The following BPNT2 variants were observed in gnomAD, a reference collection of about 807,000 sequenced individuals.
BPNT2 encodes the protein 3'(2'), 5'-bisphosphate nucleotidase 2.
A neutral mutation model predicts 29.3 loss-of-function variants in BPNT2; 11 were observed. That is an observed-to-expected ratio of 0.38 (90% confidence interval 0.24 to 0.62). The LOEUF is 0.62. Ranked by LOEUF, BPNT2 falls within the 20% of genes least tolerant of loss-of-function variation. The pLI is 0.62. For missense variants in BPNT2, 459 were observed against 473.4 expected (o/e 0.97, Z 0.28); for synonymous variants, 195 against 187.7 (o/e 1.04, Z -0.32).
rs1011100094 is a variant in BPNT2, at chr8:56,962,897, G to C, written c.*896C>G. The stretch of plus-strand genomic sequence containing the variant: ...TGTCAAGTAACTTTCAATTGTAATA[G>C]AATCATTTATATTCTTATAGTGCCT... On this transcript the variant is annotated 3_prime_UTR_variant, in exon 5 of 5. Coordinates refer to ENST00000262644, the MANE Select transcript of BPNT2 (RefSeq NM_017813.5). The C allele has an allele frequency of 4.6e-5, 7 of 152,114 alleles. No individual in the cohort carries two copies. Among genetic ancestry groups the C allele is most frequent in the African/African-American group, 1.7e-4 (7 of 41,410 alleles). The allele number at this position is 152,114 out of a possible 1,614,324, so 9.4% of individuals were successfully genotyped here.
chr8:56,976,752 A>T (rs1488793459), intron 3 of BPNT2, among the ~76,000 whole-genome samples: 1 of 152,200 alleles, frequency 6.6e-6, no homozygotes, highest in African/African-American at 2.4e-5. Flanking sequence ...CACTTCACAG[A>T]CAGCCTTTTT....
At chr8:56,982,993 T>C (rs996415468) in intron 1 of BPNT2, among the ~76,000 whole-genome samples, 1 of 152,220 alleles carries the variant, frequency 6.6e-6, no homozygotes, top group Non-Finnish European at 1.5e-5. Context: ...AGAGATCATA[T>C]ACTGTTTGAT....
At chr8:56,976,700 T>G (rs1806145638) in intron 3 of BPNT2, among the ~76,000 whole-genome samples, 2 of 152,112 alleles carry the variant, frequency 1.3e-5, no homozygotes, top group Admixed American at 1.3e-4. Flanking sequence ...AATACATAAT[T>G]TTAGAGTAAT....
Position 56,958,983 on chromosome 8 carries a change from A to G in BPNT2, c.*4810T>C, listed in dbSNP as rs1359542095. The G allele has an allele frequency of 1.3e-5, 2 of 152,218 alleles. No homozygotes were observed. The highest frequency in any genetic ancestry group is 2.4e-5 in the African/African-American group (1 of 41,450). 9.4% of individuals were successfully genotyped at this position (152,218 alleles called of 1,614,324 possible). A position where few individuals can be genotyped will look rare whatever the true frequency, so the allele number is the denominator to read the frequency against. ...GATGACTCACTATGCCTTATTTCCTATTTTTAAAAACACAGAATGAGCAAG... is the reference window on the plus strand; with the variant it reads ...GATGACTCACTATGCCTTATTTCCTGTTTTTAAAAACACAGAATGAGCAAG... On this transcript the variant is annotated 3_prime_UTR_variant, in exon 5 of 5. Transcript: ENST00000262644.
At chr8:56,966,094 C>T (rs1805943754) in intron 4 of BPNT2, 97 bp downstream of exon 4, 1 of 1,364,806 alleles carries the variant, frequency 7.3e-7, no homozygotes, top group African/African-American at 1.4e-5. Flanking sequence ...CTCCTCCTCA[C>T]TTTCCTCCCA....
intron 1 of BPNT2, among the ~76,000 whole-genome samples, chr8:56,990,483 G>A (rs1466072012): frequency 1.3e-5 from 2 of 152,180 alleles, no homozygotes; most frequent in Non-Finnish European, 2.9e-5. Flanking sequence ...GCTGCCCAGA[G>A]GACTCTCTGG....
chr8:56,973,515 A>T (rs1373242664), intron 3 of BPNT2, among the ~76,000 whole-genome samples: 1 of 152,214 alleles, frequency 6.6e-6, no homozygotes, highest in Admixed American at 6.5e-5. Context: ...TCTCCACAAG[A>T]TTTACAACAG....
chr8:56,963,531 C>A lies in BPNT2; in HGVS notation c.*262G>T, dbSNP rs542679642. The A allele has an allele frequency of 8.3e-5, 36 of 431,420 alleles. No individual in the cohort carries two copies. The highest frequency in any genetic ancestry group is 6.5e-4 in the African/African-American group (33 of 50,794). 26.7% of individuals were successfully genotyped at this position (431,420 alleles called of 1,614,324 possible). On this transcript the variant is annotated 3_prime_UTR_variant, in exon 5 of 5. Transcript: ENST00000262644. The stretch of plus-strand genomic sequence containing the variant: ...AGACTCAGCTACAGATTTTAATTCA[C>A]AAATATATATATGCGCCTTGTGTAT...
At position 56,966,054 on chromosome 8, in the gene BPNT2, G is replaced by GGA. The variant is rs559012263; in HGVS notation, c.808+135_808+136dup. ...ATCCCACCCTCGAGGTTACCAAACA[G>GGA]GAGACCAAGCCTGTCTTGAAAGTAC... On this transcript the variant is annotated intron_variant, in intron 4 of 4. Transcript: ENST00000262644. 2.1e-3 allele frequency: 1,935 copies of GGA among 917,788 alleles called. 9 individuals are homozygous for GGA. The highest frequency in any genetic ancestry group is 0.014 in the Middle Eastern group (43 of 3,176). 56.9% of individuals were successfully genotyped at this position (917,788 alleles called of 1,614,324 possible). A position where few individuals can be genotyped will look rare whatever the true frequency, so the allele number is the denominator to read the frequency against.
chr8:56,980,000 T>C (rs1394014103), intron 2 of BPNT2, 35 bp downstream of exon 2: 1 of 1,605,312 alleles, frequency 6.2e-7, no homozygotes, highest in South Asian at 1.1e-5. Context: ...CTACTAAACG[T>C]CAATCAAATG....
chr8:56,991,960 A>G (rs1275089399), intron 1 of BPNT2, among the ~76,000 whole-genome samples: 3 of 152,180 alleles, frequency 2.0e-5, no homozygotes, highest in African/African-American at 7.2e-5. Flanking sequence ...TTTAAGTAGA[A>G]ATTTGAAAAA....
chr8:56,988,844 C>T (rs1435563343), intron 1 of BPNT2, among the ~76,000 whole-genome samples: 1 of 152,194 alleles, frequency 6.6e-6, no homozygotes, highest in African/African-American at 2.4e-5. Flanking sequence ...CCTTCACCAG[C>T]AACAAAACCC....
chr8:56,990,819 G>A (rs1806405283), intron 1 of BPNT2, among the ~76,000 whole-genome samples: 1 of 152,142 alleles, frequency 6.6e-6, no homozygotes, highest in Non-Finnish European at 1.5e-5. Context: ...TCCTTTTACT[G>A]AGGAGTGAAC....
chr8:56,988,995 T>TCTCC (rs1806369593), intron 1 of BPNT2, among the ~76,000 whole-genome samples: 1 of 152,092 alleles, frequency 6.6e-6, no homozygotes, highest in African/African-American at 2.4e-5. Context: ...TCCTAACTGG[T>TCTCC]CTCCCTGTAT....
Position 56,961,707 on chromosome 8 carries a change from G to A in BPNT2, c.*2086C>T, listed in dbSNP as rs1805838736. On this transcript the variant is annotated 3_prime_UTR_variant, in exon 5 of 5. Coordinates refer to ENST00000262644, the MANE Select transcript of BPNT2 (RefSeq NM_017813.5). ...ACAAAAAAATTAGCTGGGTGTGGTG[G>A]TGTATGCCTGTAATCCCAGCTACTT... 1 of 152,272 alleles carries A rather than the reference G, an allele frequency of 6.6e-6. No individual in the cohort carries two copies. The highest frequency in any genetic ancestry group is 1.5e-5 in the Non-Finnish European group (1 of 68,132). 9.4% of individuals were successfully genotyped at this position (152,272 alleles called of 1,614,324 possible). A position where few individuals can be genotyped will look rare whatever the true frequency, so the allele number is the denominator to read the frequency against.
chr8:56,980,049 G>A lies in BPNT2; in HGVS notation c.536C>T (p.Thr179Ile). The A allele has an allele frequency of 2.5e-6, 4 of 1,613,754 alleles. No homozygotes were observed. The highest frequency in any genetic ancestry group is 2.5e-6 in the Non-Finnish European group (3 of 1,179,838). Residue 179 changes from threonine to isoleucine, a missense_variant, in exon 2 of 5, where the codon ACA becomes ATA. Coordinates refer to ENST00000262644, the MANE Select transcript of BPNT2 (RefSeq NM_017813.5). ...VTVWIDPLDA[T>I]QEYTEDLRKY... ...TTAAAAATTACCTGTATATTCCTGT[G>A]TAGCATCAAGTGGGTCAATCCAGAC...
Position 56,993,484 on chromosome 8 carries a change from G to A in BPNT2, c.102C>T (p.Gly34=), listed in dbSNP as rs1052447934. 8 of 1,498,914 alleles carry A rather than the reference G, an allele frequency of 5.3e-6. No individual in the cohort carries two copies. The highest frequency in any genetic ancestry group is 7.1e-6 in the Non-Finnish European group (8 of 1,124,626). The allele number at this position is 1,498,914 out of a possible 1,614,324, so 92.9% of individuals were successfully genotyped here. The change falls in exon 1 of 5, where the codon GGC becomes GGT. Residue 34 remains glycine, a synonymous_variant. Transcript: ENST00000262644. ...LYHLYSGFLA[G]RFSLFGLGGE... ...CGCCCAGGCCGAAGAGGCTGAAGCG[G>A]CCGGCCAAGAAGCCCGAGTAGAGGT...
chr8:56,979,711 A>G (rs568354999), intron 2 of BPNT2, among the ~76,000 whole-genome samples: 4 of 152,170 alleles, frequency 2.6e-5, no homozygotes, highest in Non-Finnish European at 4.4e-5. Flanking sequence ...AGGACTAGGT[A>G]AAAAAGGGGA....
rs751254735 is a variant in BPNT2, at chr8:56,963,781, A to C, written c.*12T>G. 40 of 1,613,960 alleles carry C rather than the reference A, an allele frequency of 2.5e-5. No homozygotes were observed. The highest frequency in any genetic ancestry group is 1.6e-4 in the Middle Eastern group (1 of 6,062). On this transcript the variant is annotated 3_prime_UTR_variant, in exon 5 of 5. Transcript: ENST00000262644. ...TCAGCTGTGAAGAACTGTACCCTGT[A>C]ATCAGTTATGCTCATTTATGTCCTG...
Sources: allele counts gnomAD v4.1 joint callset (sites outside exome capture counted in the v4.1 genomes callset), GRCh38; gene constraint gnomAD v4.1.1; transcripts MANE v1.5; gene names NCBI Gene and HGNC (gene_info 2026-07-23, HGNC 2026-07-21).